ANKRD6: variants seen among roughly 807,000 people sequenced by gnomAD.
The protein encoded by ANKRD6 is ankyrin repeat domain 6, also known as ankyrin repeat domain-containing protein 6.
A neutral mutation model predicts 82.3 loss-of-function variants in ANKRD6; 56 were observed. The ratio of observed to expected loss-of-function variants is 0.68; its 90% CI spans 0.55 to 0.85. The LOEUF is 0.85. ANKRD6 is among the 40% of genes least tolerant of loss of function. The pLI is 0.00. For missense variants in ANKRD6, 852 were observed against 907.6 expected (o/e 0.94, Z 0.79); for synonymous variants, 347 against 352.1 (o/e 0.99, Z 0.16).
At chr6:89,555,198 G>A (rs952405716) in intron 1 of ANKRD6, among the ~76,000 whole-genome samples, 1 of 147,264 alleles carries the variant, frequency 6.8e-6, no homozygotes, top group African/African-American at 2.5e-5. Context: ...TGTCCTCTAA[G>A]TCTACATCCT....
chr6:89,500,941 C>T (rs976355831), intron 1 of ANKRD6, among the ~76,000 whole-genome samples: 2 of 148,576 alleles, frequency 1.3e-5, no homozygotes, highest in African/African-American at 4.9e-5. Flanking sequence ...ATGCACTTAA[C>T]ACAGTCAGAA....
intron 5 of ANKRD6, among the ~76,000 whole-genome samples, chr6:89,608,578 G>A (rs1391958116): frequency 6.6e-6 from 1 of 151,900 alleles, no homozygotes; most frequent in Non-Finnish European, 1.5e-5. Context: ...ACTCCTTTGT[G>A]AACGTAATCT....
At chr6:89,515,168 A>G (rs1033863950) in intron 1 of ANKRD6, among the ~76,000 whole-genome samples, 8 of 152,198 alleles carry the variant, frequency 5.3e-5, no homozygotes, top group Admixed American at 1.3e-4. Context: ...GCTGGGCATC[A>G]GTCTTTATGA....
intron 1 of ANKRD6, among the ~76,000 whole-genome samples, chr6:89,491,973 C>A (rs1234946775): frequency 6.6e-6 from 1 of 152,188 alleles, no homozygotes; most frequent in African/African-American, 2.4e-5. Flanking sequence ...TCGCTCTCCA[C>A]TTCTTCATCA....
chr6:89,564,373 T>A (rs1788032871), intron 1 of ANKRD6, among the ~76,000 whole-genome samples: 1 of 152,218 alleles, frequency 6.6e-6, no homozygotes, highest in Non-Finnish European at 1.5e-5. Flanking sequence ...ACCACTGTAG[T>A]ATTTTTCTAT....
intron 5 of ANKRD6, among the ~76,000 whole-genome samples, chr6:89,608,702 G>A (rs943364325): frequency 3.3e-5 from 5 of 152,002 alleles, no homozygotes; most frequent in Admixed American, 2.0e-4. Flanking sequence ...CCATGCCTTC[G>A]TCATTTTCAT....
At chr6:89,559,535 A>G (rs1000420458) in intron 1 of ANKRD6, among the ~76,000 whole-genome samples, 4 of 152,268 alleles carry the variant, frequency 2.6e-5, no homozygotes, top group Non-Finnish European at 5.9e-5. Flanking sequence ...AAGCCAGATC[A>G]GAGCAGATTT....
At chr6:89,625,333 A>G (rs1023056982) in intron 13 of ANKRD6, among the ~76,000 whole-genome samples, 6 of 152,024 alleles carry the variant, frequency 3.9e-5, no homozygotes, top group Non-Finnish European at 7.4e-5. Flanking sequence ...TTATATGTCA[A>G]TCTTTTTATA....
chr6:89,569,616 T>C (rs1041171198), intron 2 of ANKRD6, among the ~76,000 whole-genome samples: 1 of 152,254 alleles, frequency 6.6e-6, no homozygotes, highest in East Asian at 1.9e-4. Context: ...TTCCTAGGAG[T>C]GGAATTGCTG....
intron 2 of ANKRD6, among the ~76,000 whole-genome samples, chr6:89,580,167 G>A (rs1413831747): frequency 8.0e-5 from 12 of 150,820 alleles, no homozygotes. Context: ...CTTTAAAAAA[G>A]TTGATTTTGT....
At chr6:89,477,377 A>G (rs1776172680) in intron 1 of ANKRD6, among the ~76,000 whole-genome samples, 1 of 151,556 alleles carries the variant, frequency 6.6e-6, no homozygotes, top group Non-Finnish European at 1.5e-5. Context: ...ACCTTCACAT[A>G]TTTTTCTCTT....
chr6:89,488,158 A>AG (rs1337911726), intron 1 of ANKRD6, among the ~76,000 whole-genome samples: 11 of 152,140 alleles, frequency 7.2e-5, no homozygotes, highest in African/African-American at 2.4e-4. Context: ...GCATGTTGTG[A>AG]CCTAGCCAGC....
intron 1 of ANKRD6, among the ~76,000 whole-genome samples, chr6:89,549,676 T>A (rs80210978): frequency 1.3e-5 from 2 of 152,192 alleles, no homozygotes; most frequent in Non-Finnish European, 2.9e-5. Flanking sequence ...TTCTTTTTTT[T>A]ATGTGACTTT....
chr6:89,549,107 A>G (rs1441387663), intron 1 of ANKRD6, among the ~76,000 whole-genome samples: 2 of 152,090 alleles, frequency 1.3e-5, no homozygotes, highest in Admixed American at 1.3e-4. Context: ...CTATTTGGGA[A>G]GCTGAGGTAG....
In ANKRD6 at chr6:89,606,912, G is replaced by C. The variant is rs192407696; in HGVS notation, c.417+807G>C. On this transcript the variant is annotated intron_variant, in intron 5 of 15. Coordinates refer to ENST00000339746, the MANE Select transcript of ANKRD6 (RefSeq NM_001242809.2). ...TGGCCAGGTGCAGTGGCTTATGCCT[G>C]TAATCCCAAACTTTTAGGAGGCTGA... Among the ~76,000 whole-genome samples, 30 of 152,164 alleles carry C rather than the reference G, an allele frequency of 2.0e-4. 1 individual carries two copies. The highest frequency in any genetic ancestry group is 6.5e-4 in the African/African-American group (27 of 41,496).
chr6:89,476,047 A>G (rs1015281331), intron 1 of ANKRD6, among the ~76,000 whole-genome samples: 4 of 152,226 alleles, frequency 2.6e-5, no homozygotes, highest in African/African-American at 9.6e-5. Flanking sequence ...GTGTTATAAT[A>G]TTAAAGAATC....
rs1245916909 is a variant in ANKRD6, at chr6:89,631,021, A to G, written c.*17A>G. ...GAAAATTAGCACCAATAAAGAGGAA[A>G]TATGAAAGGATTCTTGAAGATTTCC... On this transcript the variant is annotated 3_prime_UTR_variant, in exon 16 of 16. Transcript: ENST00000339746. 3.4e-6 allele frequency: 5 copies of G among 1,483,942 alleles called. No individual in the cohort carries two copies. The highest frequency in any genetic ancestry group is 2.7e-6 in the Non-Finnish European group (3 of 1,120,662). 91.9% of individuals were successfully genotyped at this position (1,483,942 alleles called of 1,614,324 possible).
chr6:89,630,580 G>A lies in ANKRD6; in HGVS notation c.1760G>A (p.Arg587Gln), dbSNP rs778483690. Residue 587 changes from arginine (R) to glutamine (Q), a missense_variant, in exon 16 of 16, where the codon CGA becomes CAA. Arg to Gln is a conservative substitution (Grantham distance 43). Coordinates refer to ENST00000339746, the MANE Select transcript of ANKRD6 (RefSeq NM_001242809.2). ...ELSSSDCTGS[R>Q]LRNVKVQTAL... is the part of the protein sequence containing the mutation. The stretch of plus-strand genomic sequence containing the variant: ...TCGTCTTCTGACTGTACAGGCTCCC[G>A]ACTGAGAAACGTCAAGGTCCAGACA... 1.2e-5 allele frequency: 20 copies of A among 1,613,852 alleles called. No homozygotes were observed. Among genetic ancestry groups the A allele is most frequent in the Non-Finnish European group, 1.4e-5 (16 of 1,179,814 alleles).
intron 2 of ANKRD6, among the ~76,000 whole-genome samples, chr6:89,585,734 C>A (rs1181061371): frequency 2.0e-5 from 3 of 152,150 alleles, no homozygotes; most frequent in Admixed American, 6.5e-5. Context: ...TATGGTGAAA[C>A]CCTGTCTCTA....
Sources: allele counts gnomAD v4.1 joint callset (sites outside exome capture counted in the v4.1 genomes callset), GRCh38; gene constraint gnomAD v4.1.1; transcripts MANE v1.5; gene names NCBI Gene and HGNC (gene_info 2026-07-23, HGNC 2026-07-21).